The following ASTN2 variants were observed in gnomAD, a reference collection of about 807,000 sequenced individuals.
ASTN2 encodes the protein astrotactin-2.
ASTN2 carries 54 observed loss-of-function variants against 139.8 expected under a neutral mutation model. That is an observed-to-expected ratio of 0.39 (90% CI 0.31 to 0.48). The LOEUF is 0.48. Ranked by LOEUF, ASTN2 falls within the 20% of genes least tolerant of loss-of-function variation. The pLI is 0.95. For synonymous variants in ASTN2, 756 were observed against 719.5 expected (o/e 1.05, Z -0.81); for missense variants, 1,565 against 1,725.1 (o/e 0.91, Z 1.64).
At chr9:117,163,967 C>T (rs989572815) in intron 3 of ASTN2, among the ~76,000 whole-genome samples, 1 of 152,086 alleles carries the variant, frequency 6.6e-6, no homozygotes, top group Non-Finnish European at 1.5e-5. Flanking sequence ...ATAGCAGGAA[C>T]TCACTATATG....
chr9:117,144,502 T>G (rs1357856801), intron 3 of ASTN2, among the ~76,000 whole-genome samples: 1 of 151,974 alleles, frequency 6.6e-6, no homozygotes, highest in South Asian at 2.1e-4. Flanking sequence ...TTATGAGATT[T>G]GAATTTCTTT....
At chr9:116,728,011 A>G (rs1397653956) in intron 15 of ASTN2, among the ~76,000 whole-genome samples, 1 of 152,172 alleles carries the variant, frequency 6.6e-6, no homozygotes, top group African/African-American at 2.4e-5. Context: ...CTCATAGATA[A>G]TTAGAGGACA....
At chr9:116,739,541 C>T (rs1332273300) in intron 13 of ASTN2, among the ~76,000 whole-genome samples, 1 of 152,212 alleles carries the variant, frequency 6.6e-6, no homozygotes, top group Non-Finnish European at 1.5e-5. Context: ...ATCATTCAGA[C>T]CATCCACTAT....
At chr9:116,505,217 A>G (rs2119158036) in intron 19 of ASTN2, among the ~76,000 whole-genome samples, 1 of 151,880 alleles carries the variant, frequency 6.6e-6, no homozygotes, top group African/African-American at 2.4e-5. Flanking sequence ...AGTATCTGAT[A>G]GTCTACTCAT....
intron 20 of ASTN2, among the ~76,000 whole-genome samples, chr9:116,477,357 A>C (rs981350681): frequency 1.6e-4 from 24 of 152,038 alleles, no homozygotes; most frequent in African/African-American, 5.3e-4. Flanking sequence ...TTGAGTCGCC[A>C]GGCTGCCGTA....
chr9:117,398,797 T>G (rs574223590), intron 1 of ASTN2, among the ~76,000 whole-genome samples: 47 of 152,338 alleles, frequency 3.1e-4, no homozygotes, highest in African/African-American at 1.1e-3. Flanking sequence ...GTTAATATTT[T>G]TTGAGATGGA....
Position 116,863,648 on chromosome 9 carries a change from T to G in ASTN2, c.1975A>C (p.Asn659His). 3 of 1,614,166 alleles carry G rather than the reference T, an allele frequency of 1.9e-6. No individual in the cohort carries two copies. The highest frequency in any genetic ancestry group is 2.7e-5 in the African/African-American group (2 of 75,050). Reference protein sequence around the residue: ...FGPVRDCSRNNGGCTRNFKCV... With the variant: ...FGPVRDCSRNHGGCTRNFKCV... ...TTGAAGTTGCGAGTGCAGCCCCCAT[T>G]GTTCCGAGAGCAGTCACGAACTGGC... Residue 659 changes from asparagine (N) to histidine (H), a missense_variant, in exon 11 of 23, where the codon AAT (asparagine) becomes CAT (histidine). By Grantham distance (68) the Asn-to-His change is moderately conservative (BLOSUM62 1). This residue lies in a region of ASTN2 where 503 missense variants were observed against 591.7 expected (regional missense o/e 0.85). Transcript: ENST00000313400.
chr9:116,948,026 T>G (rs551816740), intron 10 of ASTN2, among the ~76,000 whole-genome samples: 45 of 152,360 alleles, frequency 3.0e-4, no homozygotes, highest in African/African-American at 1.0e-3. Context: ...TGGGTTTATC[T>G]GATGTTTCTT....
chr9:116,778,572 T>G (rs779972055), intron 13 of ASTN2, among the ~76,000 whole-genome samples: 14 of 152,134 alleles, frequency 9.2e-5, no homozygotes, highest in African/African-American at 3.1e-4. Flanking sequence ...AGGAAAGCCA[T>G]GAATAAAACT....
intron 10 of ASTN2, among the ~76,000 whole-genome samples, chr9:116,964,216 G>GGTGTGT (rs56209166): frequency 4.5e-3 from 627 of 140,780 alleles, no homozygotes; most frequent in Non-Finnish European, 5.8e-3. Flanking sequence ...ACTGCCCTGG[G>GGTGTGT]GTGTGTGTGT....
chr9:117,185,361 C>A (rs1407776770), intron 3 of ASTN2, among the ~76,000 whole-genome samples: 1 of 152,046 alleles, frequency 6.6e-6, no homozygotes. Context: ...GCACACCAGC[C>A]CTGCTCTGGG....
intron 1 of ASTN2, among the ~76,000 whole-genome samples, chr9:117,295,399 G>A (rs1564131465): frequency 1.3e-5 from 2 of 152,232 alleles, no homozygotes; most frequent in Non-Finnish European, 1.5e-5. Context: ...CCTTGAACAT[G>A]TGTTTATTGT....
chr9:117,131,237 T>C (rs78250150), intron 4 of ASTN2, among the ~76,000 whole-genome samples: 2,064 of 152,268 alleles, frequency 0.014, 24 homozygotes, highest in Middle Eastern at 0.044. Context: ...AATTTCCCAT[T>C]ATGATGAAAA....
At chr9:117,074,512 T>C (rs10118190) in intron 5 of ASTN2, among the ~76,000 whole-genome samples, 124,295 of 152,086 alleles carry the variant, frequency 0.82, 51,050 homozygotes, top group South Asian at 0.87. Context: ...GGCGAAGATG[T>C]GCAGGGTGTG....
chr9:117,344,815 A>C (rs906798679), intron 1 of ASTN2, among the ~76,000 whole-genome samples: 3 of 152,152 alleles, frequency 2.0e-5, no homozygotes, highest in Non-Finnish European at 4.4e-5. Context: ...GCCCAGGCAG[A>C]GGCATTGTGT....
At chr9:117,078,823 C>G (rs977880325) in intron 5 of ASTN2, among the ~76,000 whole-genome samples, 8 of 152,196 alleles carry the variant, frequency 5.3e-5, no homozygotes, top group African/African-American at 1.9e-4. Flanking sequence ...GCAACCTCCA[C>G]CTCCCAGGTT....
At chr9:116,767,681 A>G (rs977239090) in intron 13 of ASTN2, among the ~76,000 whole-genome samples, 1 of 152,130 alleles carries the variant, frequency 6.6e-6, no homozygotes, top group South Asian at 2.1e-4. Context: ...ACATCACAGA[A>G]CAGGGATATA....
chr9:116,787,125 A>T (rs1402055307), intron 13 of ASTN2, among the ~76,000 whole-genome samples: 1 of 152,154 alleles, frequency 6.6e-6, no homozygotes, highest in Admixed American at 6.5e-5. Context: ...GTAGCATGAG[A>T]ATGAACTAAT....
rs1256062644 is a variant in ASTN2, at chr9:116,769,482, G to C, written c.2397-35959C>G. On this transcript the variant is annotated intron_variant, in intron 13 of 22. Coordinates refer to ENST00000313400, the MANE Select transcript of ASTN2 (RefSeq NM_001365068.1). Reference sequence around the variant, plus strand: ...GGTGGTAGCTAAAGGCAAATGAGGAGGGGATGAGTTTGGAGAGACAAACAC... The same window carrying C: ...GGTGGTAGCTAAAGGCAAATGAGGACGGGATGAGTTTGGAGAGACAAACAC... Among the ~76,000 whole-genome samples, 3 of 152,128 alleles carry C rather than the reference G, an allele frequency of 2.0e-5. No individual in the cohort carries two copies. The East Asian group carries it at 5.8e-4, about 29-fold the overall frequency.
Sources: allele counts gnomAD v4.1 joint callset (sites outside exome capture counted in the v4.1 genomes callset), GRCh38; gene constraint gnomAD v4.1.1; regional missense constraint gnomAD v4.1.1; transcripts MANE v1.5; gene names NCBI Gene and HGNC (gene_info 2026-07-23, HGNC 2026-07-21).